Variants in SPON1 observed in about 807,000 individuals in gnomAD.
The protein encoded by SPON1 is spondin-1.
In SPON1, 52 loss-of-function variants were observed where a neutral mutation model predicts 111.7. That is an observed-to-expected ratio of 0.47 (90% CI 0.37 to 0.59). The LOEUF is 0.59. Ranked by LOEUF, SPON1 falls within the 20% of genes least tolerant of loss-of-function variation. The pLI, the probability that SPON1 is intolerant of heterozygous loss-of-function variation, is 0.00. For missense variants in SPON1, 957 were observed against 1,068.5 expected (o/e 0.90, Z 1.46); for synonymous variants, 410 against 395.8 (o/e 1.04, Z -0.43).
intron 5 of SPON1, among the ~76,000 whole-genome samples, chr11:14,093,987 G>T (rs1849079393): frequency 6.6e-6 from 1 of 152,146 alleles, no homozygotes; most frequent in South Asian, 2.1e-4. Context: ...CAAGGCAGAT[G>T]GATCACTTGA....
intron 2 of SPON1, among the ~76,000 whole-genome samples, chr11:14,028,269 C>T (rs529438643): frequency 6.6e-6 from 1 of 152,072 alleles, no homozygotes; most frequent in African/African-American, 2.4e-5. Context: ...ATTGCTTGAA[C>T]CCAGGAGTTT....
intron 5 of SPON1, among the ~76,000 whole-genome samples, chr11:14,108,646 TC>T (rs1319206904): frequency 6.6e-6 from 1 of 152,180 alleles, no homozygotes; most frequent in Non-Finnish European, 1.5e-5. Flanking sequence ...TGTGACTTTT[TC>T]CCCTATCAGA....
chr11:13,985,093 C>T (rs12271613), intron 2 of SPON1, among the ~76,000 whole-genome samples: 7,185 of 152,260 alleles, frequency 0.047, 557 homozygotes, highest in African/African-American at 0.16. Context: ...ACTCTGAGGG[C>T]AGGGCCCTCA....
intron 6 of SPON1, among the ~76,000 whole-genome samples, chr11:14,165,897 C>T (rs568172996): frequency 6.6e-6 from 1 of 152,292 alleles, no homozygotes; most frequent in South Asian, 2.1e-4. Context: ...TAGAACTCTG[C>T]TCTATGAAGA....
chr11:14,033,076 C>G (rs1554916243), intron 2 of SPON1, among the ~76,000 whole-genome samples: 1 of 152,184 alleles, frequency 6.6e-6, no homozygotes, highest in Non-Finnish European at 1.5e-5. Flanking sequence ...GATGTCCCTT[C>G]TTATCCCAAG....
chr11:14,154,417 C>T (rs976755107), intron 6 of SPON1, among the ~76,000 whole-genome samples: 2 of 152,232 alleles, frequency 1.3e-5, no homozygotes, highest in African/African-American at 2.4e-5. Context: ...CCAGCTTGCA[C>T]CCTCTGGAGC....
rs144237162 is a variant in SPON1 at position 14,173,693 on chromosome 11, T to C, written c.825+38125T>C. Among the ~76,000 whole-genome samples the C allele has an allele frequency of 8.1e-4, 123 of 152,282 alleles. 2 individuals are homozygous for C. Among genetic ancestry groups the C allele is most frequent in the African/African-American group, 2.8e-3 (117 of 41,562 alleles). ...TTTGGTGCAGATGTCCTTTCTGTTT[T>C]AGTTTTCCTTCTAACAGTCAGGACC... On this transcript the variant is annotated intron_variant, in intron 6 of 15. Coordinates refer to ENST00000576479, the MANE Select transcript of SPON1 (RefSeq NM_006108.4).
At position 14,258,605 on chromosome 11, in the gene SPON1, GA is replaced by G. The variant is rs138986772; in HGVS notation, c.1493-668del. Among the ~76,000 whole-genome samples, 131 of 152,216 alleles carry G rather than the reference GA, an allele frequency of 8.6e-4. 2 individuals are homozygous for G. Among genetic ancestry groups the G allele is most frequent in the Non-Finnish European group, 1.0e-3 (69 of 68,014 alleles). On this transcript the variant is annotated intron_variant, in intron 11 of 15. Transcript: ENST00000576479. The stretch of plus-strand genomic sequence containing the variant: ...ATAGGCTGGACTGGTGTATGGCAGG[GA>G]AAAAAACCACTTCCAAGCCGAGGAT...
At chr11:14,254,496 C>T (rs1554940955) in intron 7 of SPON1, 32 bp from the exon 8 acceptor site, 2 of 1,553,502 alleles carry the variant, frequency 1.3e-6, no homozygotes, top group Non-Finnish European at 1.7e-6. Context: ...CCCCAGAACT[C>T]TAATATAATG....
intron 5 of SPON1, among the ~76,000 whole-genome samples, chr11:14,113,937 G>T (rs1374439747): frequency 2.6e-5 from 4 of 152,086 alleles, no homozygotes; most frequent in African/African-American, 9.7e-5. Context: ...CATACAGAGT[G>T]GGTTTATATG....
At position 14,079,911 on chromosome 11, in the gene SPON1, A is replaced by G; in HGVS notation, c.566A>G (p.Asp189Gly). The change falls in exon 5 of 16, where the codon GAT (aspartate) becomes GGT (glycine). Residue 189 changes from aspartate (D) to glycine (G), a missense_variant. Asp to Gly is a moderately conservative substitution (Grantham distance 94). Around this residue, in one of 5 missense-constraint regions of SPON1, gnomAD observed 262 missense variants for 253.9 expected, o/e 1.03. Coordinates refer to ENST00000576479, the MANE Select transcript of SPON1 (RefSeq NM_006108.4). ...CTGACTGTTTCAGATTCCACATTTG[A>G]TGGGGTGACTGACAAACCCATCTTA... ...KKLCEQDSTF[D>G]GVTDKPILDC... 1.9e-6 allele frequency: 3 copies of G among 1,613,922 alleles called. No homozygotes were observed. The South Asian group carries it at 3.3e-5, about 18-fold the overall frequency.
intron 6 of SPON1, among the ~76,000 whole-genome samples, chr11:14,240,699 G>A (rs1554939583): frequency 6.6e-6 from 1 of 150,980 alleles, no homozygotes; most frequent in East Asian, 2.0e-4. Context: ...GAATTTAACT[G>A]TAAAGCAAGG....
chr11:14,130,631 TAAATC>T (rs1847517921), intron 5 of SPON1, among the ~76,000 whole-genome samples: 1 of 152,022 alleles, frequency 6.6e-6, no homozygotes, highest in African/African-American at 2.4e-5. Flanking sequence ...TAGTTTAAAT[TAAATC>T]AGATAAGTGT....
At chr11:14,040,369 G>A (rs556171852) in intron 2 of SPON1, among the ~76,000 whole-genome samples, 1 of 152,248 alleles carries the variant, frequency 6.6e-6, no homozygotes, top group East Asian at 1.9e-4. Context: ...AAAGTGTAAA[G>A]TTGAATGAAA....
intron 5 of SPON1, among the ~76,000 whole-genome samples, chr11:14,105,985 T>G (rs782575341): frequency 1.9e-4 from 29 of 152,214 alleles, no homozygotes; most frequent in Non-Finnish European, 4.1e-4. Context: ...TGCCATTTAC[T>G]CCTGCTGGTT....
At chr11:14,161,921 G>T (rs2133876319) in intron 6 of SPON1, among the ~76,000 whole-genome samples, 1 of 151,984 alleles carries the variant, frequency 6.6e-6, no homozygotes, top group Admixed American at 6.5e-5. Flanking sequence ...GGGAGGCCAA[G>T]GTGGGGCAGA....
rs150574891 is a variant in SPON1, at chr11:14,262,142, C to CTGAA, written c.1997-567_1997-564dup. Among the ~76,000 whole-genome samples the CTGAA allele has an allele frequency of 1.9e-4, 29 of 152,314 alleles. No individual in the cohort carries two copies. The East Asian group carries it at 5.2e-3, about 27-fold the overall frequency. ...CACTTGCTCCTGACCCTCTTCTCTA[C>CTGAA]TGAATGTCCCATTTCTGGCTCCTGT... is the stretch of plus-strand genomic sequence containing the variant. On this transcript the variant is annotated intron_variant, in intron 14 of 15. Coordinates refer to ENST00000576479, the MANE Select transcript of SPON1 (RefSeq NM_006108.4).
intron 2 of SPON1, among the ~76,000 whole-genome samples, chr11:14,008,412 C>A (rs1291729480): frequency 6.6e-6 from 1 of 152,090 alleles, no homozygotes; most frequent in Non-Finnish European, 1.5e-5. Context: ...GCAATCTGAC[C>A]AAATTACTCT....
At chr11:14,042,140 C>T (rs1848635828) in intron 3 of SPON1, among the ~76,000 whole-genome samples, 1 of 152,042 alleles carries the variant, frequency 6.6e-6, no homozygotes, top group Non-Finnish European at 1.5e-5. Flanking sequence ...TATCTGGCCT[C>T]CTGACCTCCT....
Sources: gnomAD v4.1 joint callset for allele counts (sites outside exome capture counted in the v4.1 genomes callset) on GRCh38, gnomAD v4.1.1 for gene constraint, gnomAD v4.1.1 regional missense constraint, MANE v1.5 for transcripts, NCBI Gene and HGNC (gene_info 2026-07-23, HGNC 2026-07-21) for gene names.